The following SMIM17 variants were observed in gnomAD, a reference collection of about 807,000 sequenced individuals.
The protein encoded by SMIM17 is small integral membrane protein 17.
In SMIM17, 10 loss-of-function variants were observed where a neutral mutation model predicts 12.2. The observed-to-expected ratio is 0.82, with a 90% confidence interval of 0.50 to 1.39. The LOEUF (loss-of-function observed/expected upper bound fraction) is 1.39. Ranked by LOEUF, SMIM17 falls within the 40% of genes most tolerant of loss-of-function variation. The probability of loss-of-function intolerance (pLI) is 0.00; values close to 1 mark genes in which losing one functional copy is unlikely to be tolerated. For synonymous variants in SMIM17, 50 were observed against 44.1 expected, an observed-to-expected ratio of 1.13 and a Z score of -0.53; for missense variants, 136 against 118.2, an observed-to-expected ratio of 1.15 and a Z score of -0.70.
Position 56,656,356 on chromosome 19 carries a change from C to T in SMIM17, c.*1143C>T, listed in dbSNP as rs2045152363. On this transcript the variant is annotated 3_prime_UTR_variant, in exon 4 of 4. Transcript: ENST00000598409. ...AAAATTTCTCTTTATTTTGTTCTAT[C>T]CCCTGTTTCCTGTAAACTGCTGTTT... Among the ~76,000 whole-genome samples the T allele has an allele frequency of 6.6e-6, 1 of 152,086 alleles. No homozygotes were observed. The highest frequency in any genetic ancestry group is 1.5e-5 in the Non-Finnish European group (1 of 68,022).
In SMIM17 at chr19:56,656,069, C is replaced by A. The variant is rs539695760; in HGVS notation, c.*856C>A. Among the ~76,000 whole-genome samples the A allele has an allele frequency of 2.3e-4, 35 of 151,924 alleles. No homozygotes were observed. Among genetic ancestry groups the A allele is most frequent in the Non-Finnish European group, 4.9e-4 (33 of 67,962 alleles). On this transcript the variant is annotated 3_prime_UTR_variant, in exon 4 of 4. Coordinates refer to ENST00000598409, the MANE Select transcript of SMIM17 (RefSeq NM_001193628.2). ...ATGCCATTCTCCTGCCTCAGCCTCC[C>A]AAGTAGCTGGGACTACAGGCGCCCA...
intron 3 of SMIM17, among the ~76,000 whole-genome samples, chr19:56,654,438 C>G (rs1445502458): frequency 6.6e-6 from 1 of 152,190 alleles, no homozygotes; most frequent in Non-Finnish European, 1.5e-5. Flanking sequence ...AGACAAGAAA[C>G]AAAATTCTGT....
At chr19:56,643,753 G>A (rs2045041871) in intron 1 of SMIM17, among the ~76,000 whole-genome samples, 1 of 152,192 alleles carries the variant, frequency 6.6e-6, no homozygotes, top group Non-Finnish European at 1.5e-5. Context: ...TTTGATCAGG[G>A]GACTTCCCTG....
intron 2 of SMIM17, among the ~76,000 whole-genome samples, 162 bp from the exon 3 acceptor site, chr19:56,647,394 TGA>T (rs1314554012): frequency 2.0e-4 from 29 of 144,716 alleles, no homozygotes; most frequent in Admixed American, 3.4e-4. Flanking sequence ...TGTGTGTGTG[TGA>T]GAGAGAGAGA....
At chr19:56,647,712 A>C (rs2148039796) in intron 3 of SMIM17, 78 bp downstream of exon 3, 487 of 1,236,310 alleles carry the variant, frequency 3.9e-4, no homozygotes, top group Middle Eastern at 5.6e-4. Flanking sequence ...TTGCATTCTC[A>C]GCTTGGAATT....
At position 56,655,481 on chromosome 19, in the gene SMIM17, C is replaced by A; in HGVS notation, c.*268C>A. ...TGCTAATTAATCATTAAGATGCCAC[C>A]AACTGGAAGATATCTCCTGACTTTG... On this transcript the variant is annotated 3_prime_UTR_variant, in exon 4 of 4. Coordinates refer to ENST00000598409, the MANE Select transcript of SMIM17 (RefSeq NM_001193628.2). 2.5e-6 allele frequency: 1 copy of A among 403,392 alleles called. No individual in the cohort carries two copies. Among genetic ancestry groups the A allele is most frequent in the Non-Finnish European group, 4.4e-6 (1 of 229,074 alleles). 25.0% of individuals were successfully genotyped at this position (403,392 alleles called of 1,614,324 possible).
chr19:56,653,128 T>C (rs1407403674), intron 3 of SMIM17, among the ~76,000 whole-genome samples: 2 of 152,186 alleles, frequency 1.3e-5, no homozygotes, highest in Non-Finnish European at 2.9e-5. Context: ...CCAATCAAGA[T>C]ATTGAGTGCT....
At chr19:56,643,470 G>A (rs1435243606) in intron 1 of SMIM17, among the ~76,000 whole-genome samples, 1 of 152,158 alleles carries the variant, frequency 6.6e-6, no homozygotes, top group Non-Finnish European at 1.5e-5. Context: ...TGGCTTGGGG[G>A]TTGCAGGTGA....
At position 56,648,930 on chromosome 19, in the gene SMIM17, A is replaced by G. The variant is rs147829540; in HGVS notation, c.246+1296A>G. Reference sequence around the variant, plus strand: ...ACATGAGAGTCCCATCCATCTCCCAATCATGTCAGGAATGTAACTCTGGCT... The same window carrying G: ...ACATGAGAGTCCCATCCATCTCCCAGTCATGTCAGGAATGTAACTCTGGCT... On this transcript the variant is annotated intron_variant, in intron 3 of 3. Coordinates refer to ENST00000598409, the MANE Select transcript of SMIM17 (RefSeq NM_001193628.2). 2.6e-3 allele frequency among the ~76,000 whole-genome samples: 391 copies of G among 152,270 alleles called. 1 individual carries two copies. Among genetic ancestry groups the G allele is most frequent in the African/African-American group, 8.6e-3 (358 of 41,552 alleles).
intron 3 of SMIM17, among the ~76,000 whole-genome samples, chr19:56,652,887 C>T (rs367878655): frequency 7.9e-5 from 12 of 152,268 alleles, no homozygotes; most frequent in African/African-American, 2.6e-4. Flanking sequence ...TACCCCTAGC[C>T]TCCAGGGGAG....
At chr19:56,643,667 C>A (rs1388616328) in intron 1 of SMIM17, among the ~76,000 whole-genome samples, 2 of 152,194 alleles carry the variant, frequency 1.3e-5, no homozygotes, top group South Asian at 2.1e-4. Context: ...CTGTGGACCA[C>A]CCTGCAACGG....
At chr19:56,646,146 AC>A (rs2045061718) in intron 2 of SMIM17, among the ~76,000 whole-genome samples, 2 of 151,826 alleles carry the variant, frequency 1.3e-5, no homozygotes, top group Non-Finnish European at 2.9e-5. Flanking sequence ...AGATGGCTTT[AC>A]CCCCATGTCT....
At chr19:56,646,840 C>T (rs55675272) in intron 2 of SMIM17, among the ~76,000 whole-genome samples, 4,108 of 152,120 alleles carry the variant, frequency 0.027, 165 homozygotes, top group African/African-American at 0.094. Flanking sequence ...TGCCATTTGC[C>T]GACATCTCAA....
chr19:56,652,047 T>A (rs2045113134), intron 3 of SMIM17, among the ~76,000 whole-genome samples: 1 of 131,906 alleles, frequency 7.6e-6, no homozygotes, highest in Non-Finnish European at 1.5e-5. Context: ...GAGGTTACAA[T>A]GAGCTGAGAT....
In SMIM17 at chr19:56,644,432, G is replaced by A. The variant is rs10419190; in HGVS notation, c.-100-1136G>A. The stretch of plus-strand genomic sequence containing the variant: ...CACAACTTGTGCTATTTGACTAAAG[G>A]TGTCTTCCTGTTAAACACTGGAAAT... On this transcript the variant is annotated intron_variant, in intron 1 of 3. Coordinates refer to ENST00000598409, the MANE Select transcript of SMIM17 (RefSeq NM_001193628.2). 4.6e-3 allele frequency among the ~76,000 whole-genome samples: 696 copies of A among 152,300 alleles called. 4 individuals carry two copies. Among genetic ancestry groups the A allele is most frequent in the African/African-American group, 0.016 (671 of 41,560 alleles).
At chr19:56,654,488 G>A (rs954609603) in intron 3 of SMIM17, among the ~76,000 whole-genome samples, 2 of 152,224 alleles carry the variant, frequency 1.3e-5, no homozygotes, top group African/African-American at 4.8e-5. Context: ...TTTGGCCAGG[G>A]TGGTGGTAGT....
chr19:56,649,786 A>G (rs988602315), intron 3 of SMIM17, among the ~76,000 whole-genome samples: 2 of 151,896 alleles, frequency 1.3e-5, no homozygotes, highest in African/African-American at 2.4e-5. Flanking sequence ...CATGGGGGCG[A>G]TGGGGTGGAT....
In SMIM17 at chr19:56,656,233, C is replaced by G. The variant is rs891098041; in HGVS notation, c.*1020C>G. Among the ~76,000 whole-genome samples the G allele has an allele frequency of 1.3e-5, 2 of 152,024 alleles. No individual in the cohort carries two copies. Among genetic ancestry groups the G allele is most frequent in the South Asian group, 2.1e-4 (1 of 4,824 alleles). ...TGCTGGGATTACAGATGTGAGCCACCGTGCCCAGCCCAGAGTTCTTTTATC... is the reference window on the plus strand; with the variant it reads ...TGCTGGGATTACAGATGTGAGCCACGGTGCCCAGCCCAGAGTTCTTTTATC... On this transcript the variant is annotated 3_prime_UTR_variant, in exon 4 of 4. Coordinates refer to ENST00000598409, the MANE Select transcript of SMIM17 (RefSeq NM_001193628.2).
At chr19:56,647,744 A>C in intron 3 of SMIM17, 110 bp downstream of exon 3, 47 of 893,548 alleles carry the variant, frequency 5.3e-5, no homozygotes, top group Non-Finnish European at 8.1e-5. Context: ...TAAAAATCTC[A>C]AGAGATCTCT....
Sources: allele counts gnomAD v4.1 joint callset (sites outside exome capture counted in the v4.1 genomes callset), GRCh38; gene constraint gnomAD v4.1.1; transcripts MANE v1.5; gene names NCBI Gene and HGNC (gene_info 2026-07-23, HGNC 2026-07-21).